The following CACNA1D variants were observed in gnomAD, a reference collection of about 807,000 sequenced individuals.
CACNA1D encodes the protein calcium voltage-gated channel subunit alpha1 D.
CACNA1D carries 55 observed loss-of-function variants against 257.1 expected under a neutral mutation model. The observed-to-expected ratio is 0.21, with a 90% CI of 0.17 to 0.27. The LOEUF (loss-of-function observed/expected upper bound fraction) is 0.27. Ranked by LOEUF, CACNA1D falls within the 10% of genes least tolerant of loss-of-function variation. CACNA1D has a pLI of 1.00. For synonymous variants in CACNA1D, 980 were observed against 1,014.9 expected, an observed-to-expected ratio of 0.97 and a Z score of 0.65; for missense variants, 1,876 against 2,784.0, an observed-to-expected ratio of 0.67 and a Z score of 7.34.
At chr3:53,740,124 GGGCATTCACCCGT>G (rs1216673402) in intron 20 of CACNA1D, among the ~76,000 whole-genome samples, 143 bp from the exon 21 acceptor site, 3 of 152,204 alleles carry the variant, frequency 2.0e-5, no homozygotes, top group Admixed American at 6.5e-5. Flanking sequence ...TGACCAAAGT[GGGCATTCACCCGT>G]GGCTCTGCAC....
chr3:53,553,803 A>G (rs1039639785), intron 3 of CACNA1D, among the ~76,000 whole-genome samples: 1 of 151,664 alleles, frequency 6.6e-6, no homozygotes, highest in African/African-American at 2.4e-5. Context: ...AAGAGAGAGT[A>G]AAAATTAGGA....
intron 8 of CACNA1D, among the ~76,000 whole-genome samples, chr3:53,675,275 G>A (rs1022093231): frequency 2.0e-5 from 3 of 152,326 alleles, no homozygotes; most frequent in African/African-American, 4.8e-5. Context: ...CCACCTCAAC[G>A]TGAGAAGTGT....
intron 3 of CACNA1D, among the ~76,000 whole-genome samples, chr3:53,557,235 G>C (rs940637018): frequency 1.3e-5 from 2 of 152,158 alleles, no homozygotes; most frequent in Admixed American, 1.3e-4. Flanking sequence ...GTGGCTCACC[G>C]CTGTAATCCC....
intron 3 of CACNA1D, among the ~76,000 whole-genome samples, chr3:53,602,391 C>G (rs1056688029): frequency 3.9e-5 from 6 of 152,296 alleles, no homozygotes; most frequent in Middle Eastern, 3.4e-3. Flanking sequence ...GTATTTGACT[C>G]TTGTGAATAA....
chr3:53,810,275 A>G lies in CACNA1D; in HGVS notation c.6169A>G (p.Ser2057Gly). The part of the protein sequence containing the change: ...FRNKNSDKQR[S>G]ADSLVEAVLI... Reference sequence around the variant, plus strand: ...GAACAAAAACAGCGACAAGCAGAGGAGTGCGGACAGCTTGGTGGAGGCAGT... The same window carrying G: ...GAACAAAAACAGCGACAAGCAGAGGGGTGCGGACAGCTTGGTGGAGGCAGT... The change falls in exon 47 of 48, where the codon AGT (serine) becomes GGT (glycine). Residue 2057 changes from serine to glycine, a missense_variant. Transcript: ENST00000350061. The G allele has an allele frequency of 6.2e-7, 1 of 1,613,722 alleles. No homozygotes were observed. Among genetic ancestry groups the G allele is most frequent in the Non-Finnish European group, 8.5e-7 (1 of 1,180,022 alleles).
intron 29 of CACNA1D, among the ~76,000 whole-genome samples, chr3:53,755,414 G>A (rs754692136): frequency 3.9e-5 from 6 of 152,194 alleles, no homozygotes; most frequent in Non-Finnish European, 7.3e-5. Context: ...CAGCCCAGTA[G>A]TGCACTGCCC....
intron 10 of CACNA1D, among the ~76,000 whole-genome samples, chr3:53,719,461 A>G (rs1576453337): frequency 6.6e-6 from 1 of 152,174 alleles, no homozygotes; most frequent in African/African-American, 2.4e-5. Context: ...GAGTGGCAGG[A>G]GAGACTCTGC....
intron 9 of CACNA1D, among the ~76,000 whole-genome samples, chr3:53,713,991 T>A (rs1015255980): frequency 6.6e-5 from 10 of 152,202 alleles, no homozygotes; most frequent in Non-Finnish European, 1.3e-4. Context: ...TTGCAAAATA[T>A]AGGCCTTGAG....
intron 20 of CACNA1D, 116 bp from the exon 21 acceptor site, chr3:53,740,163 CA>C: frequency 7.4e-6 from 6 of 810,728 alleles, no homozygotes; most frequent in Non-Finnish European, 1.3e-5. Flanking sequence ...TTCAGAATGG[CA>C]GGGTTTTCCT....
At chr3:53,786,710 A>T (rs1393292555) in intron 39 of CACNA1D, 112 bp from the exon 40 acceptor site, 1 of 677,976 alleles carries the variant, frequency 1.5e-6, no homozygotes, top group Non-Finnish European at 2.7e-6. Flanking sequence ...TCTGCGCCGG[A>T]CCGCCCACCC....
At chr3:53,560,060 CCT>C (rs1491352128) in intron 3 of CACNA1D, among the ~76,000 whole-genome samples, 6 of 113,774 alleles carry the variant, frequency 5.3e-5, no homozygotes, top group African/African-American at 2.1e-4. Flanking sequence ...ATTAGGAGTT[CCT>C]TTTTTTTTTT....
At chr3:53,787,451 G>GTGTGTGTGTGTGTA (rs1553682634) in intron 40 of CACNA1D, among the ~76,000 whole-genome samples, 2 of 150,798 alleles carry the variant, frequency 1.3e-5, no homozygotes, top group Non-Finnish European at 3.0e-5. Flanking sequence ...GTGTGTGTGT[G>GTGTGTGTGTGTGTA]TGTATGTATG....
intron 3 of CACNA1D, among the ~76,000 whole-genome samples, chr3:53,552,605 T>G (rs2092557320): frequency 6.6e-6 from 1 of 152,192 alleles, no homozygotes; most frequent in African/African-American, 2.4e-5. Context: ...GGTCTCAAAC[T>G]CCTGACCTCA....
At chr3:53,806,169 CCT>C (rs1395300358) in intron 45 of CACNA1D, among the ~76,000 whole-genome samples, 1 of 113,976 alleles carries the variant, frequency 8.8e-6, no homozygotes, top group Non-Finnish European at 2.0e-5. Context: ...TTTCCCTCCC[CCT>C]CTCCTCCCTC....
chr3:53,571,110 C>T (rs1032936476), intron 3 of CACNA1D, among the ~76,000 whole-genome samples: 6 of 152,274 alleles, frequency 3.9e-5, no homozygotes, highest in African/African-American at 1.2e-4. Context: ...TGGGTCAAGG[C>T]AGGGGGTTCT....
At chr3:53,720,954 A>G (rs2094877176) in intron 11 of CACNA1D, among the ~76,000 whole-genome samples, 1 of 152,260 alleles carries the variant, frequency 6.6e-6, no homozygotes, top group Non-Finnish European at 1.5e-5. Context: ...AAGTTGTAAC[A>G]TGAATGTTTG....
intron 3 of CACNA1D, among the ~76,000 whole-genome samples, chr3:53,635,997 G>C (rs1348073814): frequency 6.6e-6 from 1 of 152,168 alleles, no homozygotes; most frequent in Non-Finnish European, 1.5e-5. Flanking sequence ...TCCTGGGGTA[G>C]TTCTTTCTGA....
At chr3:53,516,086 A>T (rs1330265890) in intron 3 of CACNA1D, among the ~76,000 whole-genome samples, 1 of 152,204 alleles carries the variant, frequency 6.6e-6, no homozygotes, top group Non-Finnish European at 1.5e-5. Context: ...CAGAGATAAT[A>T]ATTCTCATCT....
At chr3:53,590,539 T>C (rs1034805684) in intron 3 of CACNA1D, among the ~76,000 whole-genome samples, 59 of 152,362 alleles carry the variant, frequency 3.9e-4, no homozygotes, top group Non-Finnish European at 2.2e-4. Context: ...GACTGTCTCC[T>C]ATAGTCAGAA....
Sources: gnomAD v4.1 joint callset for allele counts (sites outside exome capture counted in the v4.1 genomes callset) on GRCh38, gnomAD v4.1.1 for gene constraint, MANE v1.5 for transcripts, NCBI Gene and HGNC (gene_info 2026-07-23, HGNC 2026-07-21) for gene names.